DIAPH2: variants seen among roughly 807,000 people sequenced by gnomAD.
DIAPH2 encodes the protein protein diaphanous homolog 2.
In DIAPH2, 35 loss-of-function variants were observed where a neutral mutation model predicts 92.7. That is an observed-to-expected ratio of 0.38 (90% CI 0.29 to 0.50). DIAPH2 has a LOEUF of 0.50. Ranked by LOEUF, DIAPH2 falls within the 20% of genes least tolerant of loss-of-function variation. DIAPH2 has a pLI of 0.94. For synonymous variants in DIAPH2, 301 were observed against 280.4 expected (o/e 1.07, Z -0.73); for missense variants, 701 against 819.5 (o/e 0.86, Z 1.77).
chrX:97,427,400 A>G (rs1481381155), intron 25 of DIAPH2, among the ~76,000 whole-genome samples: 1 of 111,363 alleles, frequency 9.0e-6, no homozygotes, highest in East Asian at 2.8e-4. Context: ...TTGAGCAAAG[A>G]GCACTGGGCT....
chrX:96,871,469 C>CAAAAAAAAA (rs34852539), intron 4 of DIAPH2, among the ~76,000 whole-genome samples: 1 of 28,814 alleles, frequency 3.5e-5, no homozygotes, highest in Non-Finnish European at 5.7e-5. Context: ...GACTCCGTCT[C>CAAAAAAAAA]AAAAAAAAAA....
chrX:97,604,067 G>A lies in DIAPH2; in HGVS notation c.*4750G>A, dbSNP rs2071608445. 1 of 112,230 alleles carries A rather than the reference G, an allele frequency of 8.9e-6. No individual in the cohort carries two copies. Among genetic ancestry groups the A allele is most frequent in the Non-Finnish European group, 1.9e-5 (1 of 53,191 alleles). 9.2% of individuals were successfully genotyped at this position (112,230 alleles called of 1,213,427 possible). A position where few individuals can be genotyped will look rare whatever the true frequency, so the allele number is the denominator to read the frequency against. On this transcript the variant is annotated 3_prime_UTR_variant, in exon 27 of 27. Transcript: ENST00000324765. ...TATCTTGTTGTTTTGGAGGCCAAAA[G>A]TCCAAAATTGAGGGGTTGGCAGGGC... is the stretch of plus-strand genomic sequence containing the variant.
At chrX:96,914,452 G>C (rs754417488) in intron 7 of DIAPH2, among the ~76,000 whole-genome samples, 1 of 111,406 alleles carries the variant, frequency 9.0e-6, no homozygotes, top group South Asian at 3.7e-4. Flanking sequence ...GATATATATA[G>C]TTCATGCTTT....
At chrX:97,112,541 A>G (rs774795694) in intron 20 of DIAPH2, among the ~76,000 whole-genome samples, 1 of 110,311 alleles carries the variant, frequency 9.1e-6, no homozygotes, top group South Asian at 3.9e-4. Flanking sequence ...ATACACAAAG[A>G]GACCTGCAAA....
At chrX:97,090,296 C>G (rs1205970153) in intron 19 of DIAPH2, among the ~76,000 whole-genome samples, 1 of 71,360 alleles carries the variant, frequency 1.4e-5, no homozygotes, top group Admixed American at 1.6e-4. Context: ...TGTCTCTGAT[C>G]CCTTTTTTTT....
intron 16 of DIAPH2, 67 bp downstream of exon 16, chrX:96,958,215 T>G (rs1048829382): frequency 1.8e-6 from 2 of 1,108,557 alleles, no homozygotes; most frequent in Admixed American, 6.2e-5. Flanking sequence ...GTGTACACAT[T>G]GTATAATGTT....
At chrX:97,175,406 A>G (rs1958230233) in intron 22 of DIAPH2, among the ~76,000 whole-genome samples, 1 of 111,894 alleles carries the variant, frequency 8.9e-6, no homozygotes, top group African/African-American at 3.2e-5. Context: ...TATTTGACCA[A>G]TTGAATAAAA....
At chrX:97,358,580 A>G (rs181964755) in intron 24 of DIAPH2, among the ~76,000 whole-genome samples, 1 of 111,975 alleles carries the variant, frequency 8.9e-6, no homozygotes, top group Non-Finnish European at 1.9e-5. Flanking sequence ...AGTTAATATT[A>G]TATCTATCAT....
chrX:97,093,075 C>T (rs1028499057), intron 19 of DIAPH2, among the ~76,000 whole-genome samples: 6 of 108,836 alleles, frequency 5.5e-5, no homozygotes, highest in African/African-American at 1.7e-4. Context: ...GTAGTCCCAA[C>T]TGCTCGGGAG....
At chrX:97,111,309 T>C (rs1602349128) in intron 20 of DIAPH2, among the ~76,000 whole-genome samples, 1 of 112,085 alleles carries the variant, frequency 8.9e-6, no homozygotes, top group Non-Finnish European at 1.9e-5. Context: ...ACATGACAGT[T>C]TCTAAATTCA....
chrX:97,155,250 T>TC (rs898188131), intron 22 of DIAPH2, among the ~76,000 whole-genome samples: 1 of 111,709 alleles, frequency 9.0e-6, no homozygotes, highest in African/African-American at 3.3e-5. Flanking sequence ...ACGCCTGTAA[T>TC]CCAGCACTTT....
chrX:96,871,425 G>A lies in DIAPH2; in HGVS notation c.448-10154G>A, dbSNP rs969300390. 9.8e-5 allele frequency among the ~76,000 whole-genome samples: 9 copies of A among 91,857 alleles called. No individual in the cohort carries two copies. The East Asian group carries it at 1.2e-3, about 12-fold the overall frequency. The allele number at this position is 91,857 out of a possible 115,157, so 79.8% of individuals were successfully genotyped here. A position where few individuals can be genotyped will look rare whatever the true frequency, so the allele number is the denominator to read the frequency against. On this transcript the variant is annotated intron_variant, in intron 4 of 26. Coordinates refer to ENST00000324765, the MANE Select transcript of DIAPH2 (RefSeq NM_006729.5). Reference sequence around the variant, plus strand: ...GCGGAGATTGCAGTGAGCCGAGATCGCGCCACCGTACTCCAGCCTGGGCGA... The same window carrying A: ...GCGGAGATTGCAGTGAGCCGAGATCACGCCACCGTACTCCAGCCTGGGCGA...
At chrX:96,863,023 G>A (rs897140970) in intron 4 of DIAPH2, among the ~76,000 whole-genome samples, 1 of 110,224 alleles carries the variant, frequency 9.1e-6, no homozygotes, top group Non-Finnish European at 1.9e-5. Flanking sequence ...TGTGTAATAC[G>A]TATTCTTTCA....
intron 23 of DIAPH2, among the ~76,000 whole-genome samples, chrX:97,330,101 G>GTGTT (rs1180744401): frequency 9.3e-6 from 1 of 107,843 alleles, no homozygotes; most frequent in Non-Finnish European, 1.9e-5. Flanking sequence ...GTGTGTGTGT[G>GTGTT]TGTGTGTGTG....
At chrX:97,507,141 CAAA>C (rs397896097) in intron 26 of DIAPH2, among the ~76,000 whole-genome samples, 2 of 31,123 alleles carry the variant, frequency 6.4e-5, no homozygotes, top group African/African-American at 1.4e-4. Flanking sequence ...ACAAAACCGA[CAAA>C]AAAAAAAAAA....
At chrX:97,065,424 A>G (rs950841725) in intron 17 of DIAPH2, among the ~76,000 whole-genome samples, 7 of 111,599 alleles carry the variant, frequency 6.3e-5, no homozygotes, top group African/African-American at 2.3e-4. Context: ...TGATGATTCC[A>G]TAAGATTATA....
chrX:97,329,933 CACA>C (rs1569364113), intron 23 of DIAPH2, among the ~76,000 whole-genome samples: 65 of 88,343 alleles, frequency 7.4e-4, no homozygotes, highest in South Asian at 1.7e-3. Flanking sequence ...CACACACACA[CACA>C]CCCCACATGC....
At chrX:96,949,309 C>T (rs781090955) in intron 15 of DIAPH2, among the ~76,000 whole-genome samples, 1 of 110,759 alleles carries the variant, frequency 9.0e-6, no homozygotes, top group Non-Finnish European at 1.9e-5. Context: ...ATGAAATTTT[C>T]GTGATGATTT....
chrX:97,141,955 A>G (rs1452073149), intron 22 of DIAPH2, among the ~76,000 whole-genome samples, 161 bp downstream of exon 22: 1 of 112,393 alleles, frequency 8.9e-6, no homozygotes, highest in East Asian at 2.8e-4. Context: ...TTGACAGCAT[A>G]CTACATTTTA....
Sources: gnomAD v4.1 joint callset for allele counts (sites outside exome capture counted in the v4.1 genomes callset) on GRCh38, gnomAD v4.1.1 for gene constraint, MANE v1.5 for transcripts, NCBI Gene and HGNC (gene_info 2026-07-23, HGNC 2026-07-21) for gene names.